ZAN: variants seen among roughly 807,000 people sequenced by gnomAD.
ZAN encodes the protein zonadhesin, also known as zonadhesin (gene/pseudogene).
A neutral mutation model predicts 286.2 loss-of-function variants in ZAN; 260 were observed. The observed-to-expected ratio is 0.91, with a 90% CI of 0.82 to 1.01. The LOEUF is 1.01. ZAN is among the 50% of genes least tolerant of loss of function. ZAN has a pLI of 0.00. For synonymous variants in ZAN, 1,368 were observed against 1,417.5 expected (o/e 0.97, Z 0.79); for missense variants, 3,410 against 3,639.2 (o/e 0.94, Z 1.62).
At chr7:100,751,017 T>A in intron 12 of ZAN, 121 bp downstream of exon 12, 1 of 1,447,838 alleles carries the variant, frequency 6.9e-7, no homozygotes, top group Admixed American at 2.6e-5. Flanking sequence ...AAAGGGGAAC[T>A]TCGTGTTACA....
chr7:100,765,463 G>A lies in ZAN; in HGVS notation c.4379G>A (p.Cys1460Tyr). Residue 1460 changes from cysteine to tyrosine, a missense_variant, in exon 23 of 48, where the codon TGT becomes TAT. By Grantham distance (194) the Cys-to-Tyr change is radical. Transcript: ENST00000613979. ...TGCTCAGACCGGTGCGTGGAGGCCT[G>A]TGAATGCAATCCGGGCTTCGTCCTC... is the stretch of plus-strand genomic sequence containing the variant. ...MFCSDRCVEACECNPGFVLSG... is the reference protein window; with the variant it reads ...MFCSDRCVEAYECNPGFVLSG... 6.2e-7 allele frequency: 1 copy of A among 1,613,684 alleles called. No homozygotes were observed. The highest frequency in any genetic ancestry group is 8.5e-7 in the Non-Finnish European group (1 of 1,179,792).
rs998320377 is a variant in ZAN, at chr7:100,779,974, C to G, written c.6622+224C>G. ...CTTGGGGAGGCCAAGGTGGGTGGAT[C>G]ACCTGAGGTCAGGAGTTCGAGACCA... On this transcript the variant is annotated intron_variant, in intron 35 of 47. Coordinates refer to ENST00000613979, the MANE Select transcript of ZAN (RefSeq NM_003386.3). Among the ~76,000 whole-genome samples, 4 of 152,032 alleles carry G rather than the reference C, an allele frequency of 2.6e-5. No homozygotes were observed. The East Asian group carries it at 7.7e-4, about 29-fold the overall frequency.
chr7:100,759,676 TC>T, intron 17 of ZAN, 44 bp from the exon 18 acceptor site: 1 of 1,546,090 alleles, frequency 6.5e-7, no homozygotes, highest in Non-Finnish European at 8.7e-7. Flanking sequence ...CGGCAGATGT[TC>T]AGAAATGAGC....
chr7:100,734,030 T>G lies in ZAN; in HGVS notation c.-139T>G. The G allele has an allele frequency of 1.9e-6, 1 of 531,288 alleles. No homozygotes were observed. The highest frequency in any genetic ancestry group is 2.0e-5 in the South Asian group (1 of 49,718). 32.9% of individuals were successfully genotyped at this position (531,288 alleles called of 1,614,324 possible). A position where few individuals can be genotyped will look rare whatever the true frequency, so the allele number is the denominator to read the frequency against. Reference sequence around the variant, plus strand: ...TCTCATAATTTTAATTTCCCAGAGCTTTTCTGTGTTTCTCTGTTCATTCTT... The same window carrying G: ...TCTCATAATTTTAATTTCCCAGAGCGTTTCTGTGTTTCTCTGTTCATTCTT... On this transcript the variant is annotated 5_prime_UTR_variant, in exon 2 of 48. Transcript: ENST00000613979.
Position 100,797,460 on chromosome 7 carries a change from G to T in ZAN, c.8361G>T (p.Arg2787Ser). 1 of 1,613,864 alleles carries T rather than the reference G, an allele frequency of 6.2e-7. No homozygotes were observed. Among genetic ancestry groups the T allele is most frequent in the Non-Finnish European group, 8.5e-7 (1 of 1,179,836 alleles). Residue 2787 changes from arginine to serine, a missense_variant, in exon 46 of 48, where the codon AGG (arginine) becomes AGT (serine). Arg to Ser is a moderately radical substitution (Grantham distance 110). Around this residue, in one of 7 missense-constraint regions of ZAN, gnomAD observed 1,289 missense variants for 1,314.3 expected, o/e 0.98. Coordinates refer to ENST00000613979, the MANE Select transcript of ZAN (RefSeq NM_003386.3). ...VTRECIYRTRRKREKTQEGDR... is the reference protein window; with the variant it reads ...VTRECIYRTRSKREKTQEGDR... ...GAGAGTGCATTTACAGAACGAGGAG[G>T]AAGAGGTGAGTCCTGGGAAGGAGAG... is the stretch of plus-strand genomic sequence containing the variant.
At position 100,752,978 on chromosome 7, in the gene ZAN, C is replaced by G. The variant is rs1199205684; in HGVS notation, c.2873C>G (p.Pro958Arg). The change falls in exon 14 of 48, where the codon CCC (proline) becomes CGC (arginine). Residue 958 changes from proline (P) to arginine (R), a missense_variant. Coordinates refer to ENST00000613979, the MANE Select transcript of ZAN (RefSeq NM_003386.3). ...PTISPEKLTI[P>R]TEKPTISTEK... ...ATCTCCCCAGAAAAACTCACCATCC[C>G]CACAGAAAAACCCACCATCTCCACG... is the stretch of plus-strand genomic sequence containing the variant. 6.2e-7 allele frequency: 1 copy of G among 1,610,618 alleles called. No individual in the cohort carries two copies. The highest frequency in any genetic ancestry group is 8.5e-7 in the Non-Finnish European group (1 of 1,178,414).
intron 15 of ZAN, among the ~76,000 whole-genome samples, chr7:100,756,685 T>C (rs1455648745): frequency 2.0e-5 from 3 of 151,768 alleles, no homozygotes; most frequent in Non-Finnish European, 4.4e-5. Flanking sequence ...CTAGGAGGCA[T>C]GTATTCACTT....
At chr7:100,751,423 A>C (rs1808655374) in intron 13 of ZAN, among the ~76,000 whole-genome samples, 157 bp downstream of exon 13, 1 of 152,116 alleles carries the variant, frequency 6.6e-6, no homozygotes, top group South Asian at 2.1e-4. Context: ...CTTCCCCTGC[A>C]CTTCAAGATG....
At chr7:100,769,498 CCCTTTCTTCCTT>C (rs1317948794) in intron 27 of ZAN, among the ~76,000 whole-genome samples, 3 of 151,084 alleles carry the variant, frequency 2.0e-5, no homozygotes, top group Admixed American at 6.6e-5. Context: ...TCCTTCTCTT[CCCTTTCTTCCTT>C]CCTTTCTTCC....
chr7:100,794,312 T>C, intron 44 of ZAN, 54 bp downstream of exon 44: 3 of 1,540,682 alleles, frequency 1.9e-6, no homozygotes, highest in Admixed American at 2.0e-5. Context: ...GGGGCGTCCA[T>C]GGACCAAGGA....
intron 25 of ZAN, among the ~76,000 whole-genome samples, chr7:100,767,467 GTTTTTTTTTTT>G (rs35803818): frequency 2.6e-5 from 2 of 77,972 alleles, no homozygotes; most frequent in East Asian, 2.9e-4. Flanking sequence ...GTTTTTTGCC[GTTTTTTTTTTT>G]TTTTTTTTTT....
Position 100,792,060 on chromosome 7 carries a change from A to G in ZAN, c.7624A>G (p.Asn2542Asp), listed in dbSNP as rs767021112. Reference sequence around the variant, plus strand: ...ATGTAGCCCGGAGCAGCTGGCGAGCAACAGCACCCAGGCCTGTAGGGTGCT... The same window carrying G: ...ATGTAGCCCGGAGCAGCTGGCGAGCGACAGCACCCAGGCCTGTAGGGTGCT... Reference protein sequence around the residue: ...SECSPEQLASNSTQACRVLAD... With the variant: ...SECSPEQLASDSTQACRVLAD... Residue 2542 changes from asparagine to aspartate, a missense_variant, in exon 41 of 48, where the codon AAC becomes GAC. Coordinates refer to ENST00000613979, the MANE Select transcript of ZAN (RefSeq NM_003386.3). 1 of 1,613,218 alleles carries G rather than the reference A, an allele frequency of 6.2e-7. No homozygotes were observed. The highest frequency in any genetic ancestry group is 1.7e-5 in the Admixed American group (1 of 59,976).
chr7:100,785,817 C>A (rs1371456847), intron 36 of ZAN, among the ~76,000 whole-genome samples, 180 bp from the exon 37 acceptor site: 1 of 152,004 alleles, frequency 6.6e-6, no homozygotes, highest in Non-Finnish European at 1.5e-5. Context: ...TGCTACCACA[C>A]CTGGCTAATT....
intron 7 of ZAN, among the ~76,000 whole-genome samples, chr7:100,744,503 C>T (rs1004466122): frequency 2.0e-5 from 3 of 151,050 alleles, no homozygotes; most frequent in Non-Finnish European, 3.0e-5. Flanking sequence ...GAGGCTGAGG[C>T]AGGAGAATTG....
intron 23 of ZAN, among the ~76,000 whole-genome samples, chr7:100,766,224 T>C (rs964130277): frequency 2.6e-5 from 4 of 152,102 alleles, no homozygotes; most frequent in African/African-American, 4.8e-5. Context: ...TGACCTCAAG[T>C]GATCCACCCG....
At chr7:100,773,613 T>TG in intron 30 of ZAN, 108 bp from the exon 31 acceptor site, 2 of 1,541,232 alleles carry the variant, frequency 1.3e-6, no homozygotes, top group Non-Finnish European at 8.8e-7. Flanking sequence ...TGGCCAAGGC[T>TG]GGGGGGCGAG....
Position 100,791,978 on chromosome 7 carries a change from G to C in ZAN, c.7542G>C (p.Ala2514=). The change falls in exon 41 of 48, where the codon GCG becomes GCC. Residue 2514 remains alanine (A), a synonymous_variant. Transcript: ENST00000613979. ...ALLRFPRAIP[A]EEEGQGAELG... ...GTCTCTACTGCAGGGCTATACCAGC[G>C]GAGGAGGAGGGACAAGGGGCGGAGC... 1.2e-6 allele frequency: 2 copies of C among 1,612,524 alleles called. No homozygotes were observed. The highest frequency in any genetic ancestry group is 4.5e-5 in the East Asian group (2 of 44,846).
At chr7:100,777,718 T>C (rs1358447628) in intron 34 of ZAN, among the ~76,000 whole-genome samples, 1 of 152,052 alleles carries the variant, frequency 6.6e-6, no homozygotes, top group East Asian at 1.9e-4. Flanking sequence ...AGGGCACACC[T>C]GGGGCAGGAA....
chr7:100,738,641 T>G, intron 7 of ZAN, 28 bp downstream of exon 7: 2 of 1,507,138 alleles, frequency 1.3e-6, no homozygotes, highest in Non-Finnish European at 1.8e-6. Flanking sequence ...TTCTGTCCCT[T>G]GACTTTCTGG....
Sources: gnomAD v4.1 joint callset for allele counts (sites outside exome capture counted in the v4.1 genomes callset) on GRCh38, gnomAD v4.1.1 for gene constraint, gnomAD v4.1.1 regional missense constraint, MANE v1.5 for transcripts, NCBI Gene and HGNC (gene_info 2026-07-23, HGNC 2026-07-21) for gene names.